Variants in LHCGR observed in about 807,000 individuals in gnomAD.
LHCGR encodes the protein lutropin-choriogonadotropic hormone receptor.
In LHCGR, 55 loss-of-function variants were observed where a neutral mutation model predicts 60.7. That is an observed-to-expected ratio of 0.91 (90% CI 0.73 to 1.13). The LOEUF is 1.13. Ranked by LOEUF, LHCGR falls within the 50% of genes most tolerant of loss-of-function variation. LHCGR has a pLI of 0.00. For missense variants in LHCGR, 862 were observed against 836.0 expected, an observed-to-expected ratio of 1.03 and a Z score of -0.38; for synonymous variants, 337 against 316.5, an observed-to-expected ratio of 1.06 and a Z score of -0.69.
chr2:48,717,833 C>CTTTTTTTTTTTTTTTTTTTTTTTTTTT (rs10711529), intron 6 of LHCGR, among the ~76,000 whole-genome samples: 1 of 68,976 alleles, frequency 1.4e-5, no homozygotes, highest in Admixed American at 1.8e-4. Context: ...TTTTCCATGT[C>CTTTTTTTTTTTTTTTTTTTTTTTTTTT]TTTTTTTTTT....
chr2:48,731,669 A>T (rs1389383230), intron 1 of LHCGR, among the ~76,000 whole-genome samples: 2 of 152,182 alleles, frequency 1.3e-5, no homozygotes, highest in Non-Finnish European at 2.9e-5. Context: ...GGTCATTGTG[A>T]TAATTAATCA....
At chr2:48,696,711 T>G (rs138588137) in intron 9 of LHCGR, among the ~76,000 whole-genome samples, 1,554 of 152,318 alleles carry the variant, frequency 0.01, 31 homozygotes, top group African/African-American at 0.034. Context: ...AATGAGGCAA[T>G]TCAAATTGGA....
At chr2:48,736,351 A>C (rs1669207730) in intron 1 of LHCGR, among the ~76,000 whole-genome samples, 2 of 152,282 alleles carry the variant, frequency 1.3e-5, no homozygotes, top group African/African-American at 4.8e-5. Flanking sequence ...CCTTCTTCCT[A>C]TCAATTCTTA....
At chr2:48,753,883 A>G (rs561497427) in intron 1 of LHCGR, among the ~76,000 whole-genome samples, 1 of 152,242 alleles carries the variant, frequency 6.6e-6, no homozygotes, top group East Asian at 1.9e-4. Flanking sequence ...TTAAAAAGAT[A>G]ATTAATAGAT....
intron 1 of LHCGR, among the ~76,000 whole-genome samples, chr2:48,754,683 A>T (rs1670126411): frequency 6.6e-6 from 1 of 151,896 alleles, no homozygotes; most frequent in African/African-American, 2.4e-5. Flanking sequence ...CTACTAATCT[A>T]CTTTCAGTTT....
chr2:48,726,971 A>G (rs1294563913), intron 3 of LHCGR, among the ~76,000 whole-genome samples: 3 of 152,172 alleles, frequency 2.0e-5, no homozygotes, highest in Non-Finnish European at 2.9e-5. Context: ...GTTCCACCAC[A>G]CTACAGTTAC....
chr2:48,715,901 C>G (rs1177961282), intron 6 of LHCGR, among the ~76,000 whole-genome samples: 2 of 152,172 alleles, frequency 1.3e-5, no homozygotes, highest in Non-Finnish European at 2.9e-5. Context: ...TCTTAAACTC[C>G]TGGGGCCTCA....
intron 1 of LHCGR, among the ~76,000 whole-genome samples, chr2:48,755,081 G>C (rs537914595): frequency 1.3e-5 from 2 of 152,062 alleles, no homozygotes; most frequent in Non-Finnish European, 2.9e-5. Flanking sequence ...TCCATTCCTA[G>C]AGGACCACAG....
chr2:48,749,820 C>G (rs1040383532), intron 1 of LHCGR, among the ~76,000 whole-genome samples: 1 of 151,676 alleles, frequency 6.6e-6, no homozygotes, highest in Non-Finnish European at 1.5e-5. Flanking sequence ...AACCTTTTGG[C>G]TCTACACTTG....
intron 3 of LHCGR, among the ~76,000 whole-genome samples, chr2:48,728,593 A>C (rs1668849440): frequency 6.6e-6 from 1 of 152,188 alleles, no homozygotes; most frequent in Non-Finnish European, 1.5e-5. Flanking sequence ...AACTGAATTG[A>C]ACCAGTCTTT....
At chr2:48,702,366 A>T (rs1265044394) in intron 8 of LHCGR, among the ~76,000 whole-genome samples, 2 of 151,702 alleles carry the variant, frequency 1.3e-5, no homozygotes, top group Non-Finnish European at 2.9e-5. Context: ...TGCACCCATC[A>T]ACTTGTCATT....
chr2:48,713,261 T>G (rs771279293), intron 7 of LHCGR, among the ~76,000 whole-genome samples: 5 of 152,196 alleles, frequency 3.3e-5, no homozygotes, highest in Non-Finnish European at 7.3e-5. Flanking sequence ...AATTTTGGCT[T>G]TAATCGAACT....
At chr2:48,705,568 A>C (rs548562606) in intron 8 of LHCGR, among the ~76,000 whole-genome samples, 2 of 152,188 alleles carry the variant, frequency 1.3e-5, no homozygotes, top group African/African-American at 4.8e-5. Context: ...ATGAATCTGG[A>C]TGCTCCTGTG....
At position 48,718,012 on chromosome 2, in the gene LHCGR, T is replaced by C. The variant is rs992176522; in HGVS notation, c.537-3958A>G. ...TTCCTTACTTTGGAGAAATTACAAATGTGAGTGGGAGACCTCATGCTGTCA... is the reference window on the plus strand; with the variant it reads ...TTCCTTACTTTGGAGAAATTACAAACGTGAGTGGGAGACCTCATGCTGTCA... On this transcript the variant is annotated intron_variant, in intron 6 of 10. Transcript: ENST00000294954. Among the ~76,000 whole-genome samples, 2 of 152,014 alleles carry C rather than the reference T, an allele frequency of 1.3e-5. 1 individual carries two copies. The highest frequency in any genetic ancestry group is 4.2e-4 in the South Asian group (2 of 4,814).
At chr2:48,703,119 G>T (rs1020940398) in intron 8 of LHCGR, among the ~76,000 whole-genome samples, 5 of 152,110 alleles carry the variant, frequency 3.3e-5, no homozygotes, top group Non-Finnish European at 7.4e-5. Context: ...TGATGGGTTT[G>T]TTTGTGTTTT....
chr2:48,752,991 G>GGGGGGGGGGGGGGGGGGGGGGGGGGGT (rs1670043708), intron 1 of LHCGR, among the ~76,000 whole-genome samples: 1 of 57,948 alleles, frequency 1.7e-5, no homozygotes, highest in Non-Finnish European at 4.0e-5. Context: ...CGGGGGGGGG[G>GGGGGGGGGGGGGGGGGGGGGGGGGGGT]GGGGGTGGGG....
At chr2:48,703,719 A>G (rs1216806555) in intron 8 of LHCGR, among the ~76,000 whole-genome samples, 1 of 152,082 alleles carries the variant, frequency 6.6e-6, no homozygotes. Flanking sequence ...AATGCTTGCG[A>G]TTTTTGCACA....
chr2:48,705,007 GC>G lies in LHCGR; in HGVS notation c.680+3940del, dbSNP rs1483612072. Among the ~76,000 whole-genome samples the G allele has an allele frequency of 1.4e-4, 21 of 152,228 alleles. 1 individual carries two copies. In the East Asian group the frequency reaches 4.1e-3, roughly 29 times the overall value. ...AGGGTGTCAATTTTAGATCTTTCCT[GC>G]CTTTCCTTGTGGGCATTTAGTGCTA... On this transcript the variant is annotated intron_variant, in intron 8 of 10. Transcript: ENST00000294954.
intron 4 of LHCGR, among the ~76,000 whole-genome samples, 181 bp downstream of exon 4, chr2:48,725,495 G>C (rs1668677566): frequency 1.3e-5 from 2 of 152,172 alleles, no homozygotes; most frequent in Admixed American, 1.3e-4. Flanking sequence ...GTATGTAAAA[G>C]CACCCAGCTC....
Sources: gnomAD v4.1 joint callset for allele counts (sites outside exome capture counted in the v4.1 genomes callset) on GRCh38, gnomAD v4.1.1 for gene constraint, MANE v1.5 for transcripts, NCBI Gene and HGNC (gene_info 2026-07-23, HGNC 2026-07-21) for gene names.